Variants in MIB1 observed in about 807,000 individuals in gnomAD.
MIB1 encodes the protein E3 ubiquitin-protein ligase MIB1.
MIB1 carries 278 observed loss-of-function variants against 124.5 expected under a neutral mutation model. The observed-to-expected ratio is 2.23, with a 90% CI of 2.02 to 2.47. The LOEUF (loss-of-function observed/expected upper bound fraction) is 2.47, where lower values mean the gene tolerates loss of function less well. Ranked by LOEUF, MIB1 falls within the 30% of genes most tolerant of loss-of-function variation. The pLI is 0.00. For synonymous variants in MIB1, 446 were observed against 429.4 expected (o/e 1.04, Z -0.48); for missense variants, 957 against 1,254.4 (o/e 0.76, Z 3.58).
chr18:21,783,077 GTA>G (rs2041389187), intron 6 of MIB1, among the ~76,000 whole-genome samples: 3 of 152,056 alleles, frequency 2.0e-5, no homozygotes, highest in Admixed American at 2.0e-4. Context: ...TGATATAAAA[GTA>G]TAATTATTCC....
Position 21,791,140 on chromosome 18 carries a change from C to T in MIB1, c.909-234C>T, listed in dbSNP as rs1171277247. 3.3e-5 allele frequency among the ~76,000 whole-genome samples: 5 copies of T among 151,648 alleles called. No homozygotes were observed. The East Asian group carries it at 7.8e-4, about 24-fold the overall frequency. On this transcript the variant is annotated intron_variant, in intron 6 of 20. Coordinates refer to ENST00000261537, the MANE Select transcript of MIB1 (RefSeq NM_020774.4). ...AATCATGCAGTGAGCCGAGATCATG[C>T]CACTGCACTCCAGCCTGGGTGACAG... is the stretch of plus-strand genomic sequence containing the variant.
chr18:21,761,886 T>G (rs939897903), intron 1 of MIB1, among the ~76,000 whole-genome samples: 1 of 152,136 alleles, frequency 6.6e-6, no homozygotes, highest in Admixed American at 6.5e-5. Context: ...CCTCAGAAGT[T>G]ACACACATGC....
chr18:21,765,115 G>A (rs917056386), intron 1 of MIB1, among the ~76,000 whole-genome samples: 1 of 152,186 alleles, frequency 6.6e-6, no homozygotes, highest in African/African-American at 2.4e-5. Context: ...TCTAATGTCT[G>A]TCTCATTCAT....
At chr18:21,819,417 C>A in intron 11 of MIB1, 78 bp from the exon 12 acceptor site, 1 of 854,500 alleles carries the variant, frequency 1.2e-6, no homozygotes, top group Non-Finnish European at 1.8e-6. Flanking sequence ...CTTCTGTTTG[C>A]TTAGCATTTG....
Position 21,773,606 on chromosome 18 carries a change from C to A in MIB1, c.532-18C>A. 1 of 1,578,740 alleles carries A rather than the reference C, an allele frequency of 6.3e-7. No individual in the cohort carries two copies. On this transcript the variant is annotated intron_variant, in intron 3 of 20. Coordinates refer to ENST00000261537, the MANE Select transcript of MIB1 (RefSeq NM_020774.4). ...CTCCCCTTTAAAAAACTTCTTTTCTCAAAAACTATTCTGTTAGGTAACAGA... is the reference window on the plus strand; with the variant it reads ...CTCCCCTTTAAAAAACTTCTTTTCTAAAAAACTATTCTGTTAGGTAACAGA...
chr18:21,804,650 TCA>T (rs1261433555), intron 10 of MIB1, among the ~76,000 whole-genome samples: 1 of 152,212 alleles, frequency 6.6e-6, no homozygotes, highest in Non-Finnish European at 1.5e-5. Context: ...TGTATTTGAA[TCA>T]CACTTATTTT....
At chr18:21,829,100 G>C (rs564711174) in intron 12 of MIB1, 4 of 439,832 alleles carry the variant, frequency 9.1e-6, no homozygotes, top group Non-Finnish European at 1.8e-5. Flanking sequence ...TTACTAAGTT[G>C]TTAGCTGTAA....
intron 19 of MIB1, among the ~76,000 whole-genome samples, chr18:21,857,516 A>C (rs1264688445): frequency 6.6e-6 from 1 of 152,248 alleles, no homozygotes; most frequent in Non-Finnish European, 1.5e-5. Flanking sequence ...CATAAAGAAA[A>C]TTTGTGCTCT....
At chr18:21,803,579 G>T (rs1276685594) in intron 9 of MIB1, among the ~76,000 whole-genome samples, 1 of 151,938 alleles carries the variant, frequency 6.6e-6, no homozygotes, top group African/African-American at 2.4e-5. Context: ...TTGAACCATG[G>T]ACTCAGAGAT....
rs1191375138 is a variant in MIB1, at chr18:21,864,893, A to G, written c.*227A>G. ...TTGAAACATCAAATTCATGTAACTCATAGGATAATTTACCTTTGGCTTCTA... is the reference window on the plus strand; with the variant it reads ...TTGAAACATCAAATTCATGTAACTCGTAGGATAATTTACCTTTGGCTTCTA... On this transcript the variant is annotated 3_prime_UTR_variant, in exon 21 of 21. Coordinates refer to ENST00000261537, the MANE Select transcript of MIB1 (RefSeq NM_020774.4). 2 of 365,118 alleles carry G rather than the reference A, an allele frequency of 5.5e-6. No homozygotes were observed. The highest frequency in any genetic ancestry group is 9.7e-6 in the Non-Finnish European group (2 of 205,324). The allele number at this position is 365,118 out of a possible 1,614,324, so 22.6% of individuals were successfully genotyped here.
At chr18:21,705,703 G>C (rs1372042093) in intron 1 of MIB1, among the ~76,000 whole-genome samples, 2 of 152,160 alleles carry the variant, frequency 1.3e-5, no homozygotes, top group Non-Finnish European at 2.9e-5. Context: ...ATTTAGATGG[G>C]GACATGAGAC....
At chr18:21,812,826 T>C (rs1435636660) in intron 10 of MIB1, among the ~76,000 whole-genome samples, 1 of 152,174 alleles carries the variant, frequency 6.6e-6, no homozygotes, top group Non-Finnish European at 1.5e-5. Context: ...AAATTCTCTT[T>C]TGGCACTAGG....
chr18:21,775,005 G>T (rs918457481), intron 4 of MIB1, among the ~76,000 whole-genome samples: 1 of 151,382 alleles, frequency 6.6e-6, no homozygotes, highest in African/African-American at 2.4e-5. Context: ...GAGCACAGTG[G>T]CCTGATCTTG....
At chr18:21,772,239 A>G (rs1737039164) in intron 3 of MIB1, among the ~76,000 whole-genome samples, 1 of 152,302 alleles carries the variant, frequency 6.6e-6, no homozygotes, top group Admixed American at 6.5e-5. Flanking sequence ...GTATACCTTG[A>G]AAGTTATACT....
At chr18:21,808,486 G>A (rs372141090) in intron 10 of MIB1, among the ~76,000 whole-genome samples, 3 of 152,314 alleles carry the variant, frequency 2.0e-5, no homozygotes, top group South Asian at 2.1e-4. Flanking sequence ...TTGCTGGCCC[G>A]TAGCATAGAT....
At chr18:21,839,043 G>A (rs927242894) in intron 13 of MIB1, among the ~76,000 whole-genome samples, 3 of 152,104 alleles carry the variant, frequency 2.0e-5, no homozygotes, top group African/African-American at 7.2e-5. Flanking sequence ...AGCCTATTTT[G>A]TAGTTTTAGG....
intron 19 of MIB1, 43 bp downstream of exon 19, chr18:21,857,286 T>G (rs1210208722): frequency 4.6e-6 from 6 of 1,298,718 alleles, no homozygotes; most frequent in Non-Finnish European, 6.7e-6. Flanking sequence ...TGCTTTTTTT[T>G]GGGACTTGCA....
In MIB1 at chr18:21,730,324, C is replaced by T. The variant is rs1023095121; in HGVS notation, n.167+25201C>T. 7.9e-5 allele frequency among the ~76,000 whole-genome samples: 12 copies of T among 152,192 alleles called. 1 individual carries two copies. The highest frequency in any genetic ancestry group is 7.7e-4 in the East Asian group (4 of 5,170). On this transcript the variant is annotated intron_variant and non_coding_transcript_variant, in intron 1 of 20. Coordinates refer to the MIB1 transcript ENST00000578646. ...GCTCATGCCTGTAATCCCAGCACTTCGGGAGGCCGAGGCGGGTGGATCACC... is the reference window on the plus strand; with the variant it reads ...GCTCATGCCTGTAATCCCAGCACTTTGGGAGGCCGAGGCGGGTGGATCACC...
At chr18:21,745,894 A>G (rs1479541353) in intron 1 of MIB1, among the ~76,000 whole-genome samples, 1 of 151,878 alleles carries the variant, frequency 6.6e-6, no homozygotes, top group Non-Finnish European at 1.5e-5. Context: ...TTTGGTAGAG[A>G]CGGGGTTTCA....
Sources: allele counts gnomAD v4.1 joint callset (sites outside exome capture counted in the v4.1 genomes callset), GRCh38; gene constraint gnomAD v4.1.1; transcripts MANE v1.5; gene names NCBI Gene and HGNC (gene_info 2026-07-23, HGNC 2026-07-21).